The following GABRA3 variants were observed in gnomAD, a reference collection of about 807,000 sequenced individuals.
GABRA3 encodes the protein gamma-aminobutyric acid type A receptor subunit alpha3.
Under a neutral mutation model 30.1 loss-of-function variants are expected in GABRA3, and 10 were observed. That is an observed-to-expected ratio of 0.33 (90% CI 0.20 to 0.56). The LOEUF (loss-of-function observed/expected upper bound fraction) is 0.56. Ranked by LOEUF, GABRA3 falls within the 20% of genes least tolerant of loss-of-function variation. The pLI is 0.89. For missense variants in GABRA3, 233 were observed against 392.0 expected, an observed-to-expected ratio of 0.59 and a Z score of 3.42; for synonymous variants, 151 against 146.8, an observed-to-expected ratio of 1.03 and a Z score of -0.21.
At position 152,280,387 on chromosome X, in the gene GABRA3, G is replaced by A. The variant is rs954408370; in HGVS notation, c.330+4281C>T. 3.6e-5 allele frequency among the ~76,000 whole-genome samples: 4 copies of A among 111,588 alleles called. 1 individual carries two copies. The South Asian group carries it at 1.5e-3, about 42-fold the overall frequency. On this transcript the variant is annotated intron_variant, in intron 4 of 9. Coordinates refer to ENST00000370314, the MANE Select transcript of GABRA3 (RefSeq NM_000808.4). ...ATCCAGTCTGTGCCTCAGACTGCCA[G>A]TAAGGGAGAGTTTGAAGTAGACATA...
At chrX:152,200,398 G>T (rs1317453456) in intron 7 of GABRA3, among the ~76,000 whole-genome samples, 1 of 111,971 alleles carries the variant, frequency 8.9e-6, no homozygotes, top group Non-Finnish European at 1.9e-5. Flanking sequence ...ATCTTAGCTT[G>T]TTTATGTGAA....
chrX:152,236,201 G>A (rs1938208623), intron 5 of GABRA3, among the ~76,000 whole-genome samples: 1 of 94,055 alleles, frequency 1.1e-5, no homozygotes. Flanking sequence ...GTGTCCATGT[G>A]ATCTCATTGT....
intron 9 of GABRA3, among the ~76,000 whole-genome samples, chrX:152,178,804 A>G (rs913859877): frequency 9.0e-6 from 1 of 111,554 alleles, no homozygotes; most frequent in Admixed American, 9.6e-5. Flanking sequence ...CAATGCACCC[A>G]AACCCATTGT....
chrX:152,400,138 T>C (rs145193012), intron 1 of GABRA3, among the ~76,000 whole-genome samples: 3,222 of 111,478 alleles, frequency 0.029, 48 homozygotes, highest in South Asian at 0.05. Context: ...TTAATTTATG[T>C]TTTATTAATA....
At chrX:152,438,129 G>A (rs1440563902) in intron 1 of GABRA3, among the ~76,000 whole-genome samples, 1 of 111,678 alleles carries the variant, frequency 9.0e-6, no homozygotes, top group Non-Finnish European at 1.9e-5. Flanking sequence ...TAAGAAAACA[G>A]CCCCGTTAAA....
chrX:152,428,080 G>T (rs1428940436), intron 1 of GABRA3, among the ~76,000 whole-genome samples: 1 of 112,536 alleles, frequency 8.9e-6, no homozygotes, highest in African/African-American at 3.2e-5. Flanking sequence ...GCAAAGCAAT[G>T]ACGCCACTTA....
intron 2 of GABRA3, among the ~76,000 whole-genome samples, 197 bp from the exon 3 acceptor site, chrX:152,345,899 C>T (rs1379869133): frequency 9.0e-6 from 1 of 111,270 alleles, no homozygotes; most frequent in Non-Finnish European, 1.9e-5. Flanking sequence ...GGTTAATACT[C>T]GAACTCTTAC....
intron 2 of GABRA3, among the ~76,000 whole-genome samples, chrX:152,357,953 A>G (rs905529878): frequency 7.2e-5 from 8 of 111,432 alleles, no homozygotes; most frequent in African/African-American, 2.0e-4. Context: ...TGGTTACTAC[A>G]GCCCCATAGT....
At chrX:152,336,909 T>C (rs752469062) in intron 3 of GABRA3, among the ~76,000 whole-genome samples, 22 of 111,549 alleles carry the variant, frequency 2.0e-4, no homozygotes, top group Admixed American at 6.7e-4. Context: ...GTCAGAGTCA[T>C]AGATGTCTTC....
chrX:152,425,927 G>GT (rs899096178), intron 1 of GABRA3, among the ~76,000 whole-genome samples: 4 of 111,208 alleles, frequency 3.6e-5, no homozygotes, highest in African/African-American at 1.3e-4. Context: ...AGGTTAAATA[G>GT]TATCTTTTTA....
chrX:152,440,504 C>A (rs752746302), intron 1 of GABRA3, among the ~76,000 whole-genome samples: 1 of 112,021 alleles, frequency 8.9e-6, no homozygotes, highest in African/African-American at 3.2e-5. Flanking sequence ...TTTGACCCAG[C>A]GATCCCATTA....
intron 4 of GABRA3, among the ~76,000 whole-genome samples, chrX:152,276,865 T>C (rs1318558435): frequency 8.9e-6 from 1 of 112,101 alleles, no homozygotes; most frequent in Admixed American, 9.5e-5. Context: ...TTATAAAGTA[T>C]GCATATAAAT....
intron 3 of GABRA3, among the ~76,000 whole-genome samples, chrX:152,323,978 C>T (rs1244916824): frequency 8.9e-6 from 1 of 112,356 alleles, no homozygotes; most frequent in Non-Finnish European, 1.9e-5. Flanking sequence ...AAGAAAAACA[C>T]TATGTCTTAT....
intron 6 of GABRA3, among the ~76,000 whole-genome samples, chrX:152,216,569 A>G (rs756562313): frequency 6.4e-5 from 7 of 109,727 alleles, no homozygotes; most frequent in Non-Finnish European, 1.1e-4. Flanking sequence ...GCATTGTATC[A>G]TTCATATACA....
At chrX:152,188,980 A>C (rs1937290118) in intron 9 of GABRA3, among the ~76,000 whole-genome samples, 1 of 111,768 alleles carries the variant, frequency 8.9e-6, no homozygotes, top group African/African-American at 3.3e-5. Flanking sequence ...TAATGATTTT[A>C]ATCTCTCTTC....
intron 4 of GABRA3, among the ~76,000 whole-genome samples, chrX:152,274,765 T>A (rs1174378853): frequency 9.2e-6 from 1 of 108,708 alleles, no homozygotes; most frequent in Non-Finnish European, 1.9e-5. Flanking sequence ...GACCACAGAA[T>A]ACCCCAAGGA....
At chrX:152,366,480 T>C (rs1158908306) in intron 1 of GABRA3, among the ~76,000 whole-genome samples, 1 of 111,994 alleles carries the variant, frequency 8.9e-6, no homozygotes, top group Admixed American at 9.5e-5. Context: ...TCACTATGGG[T>C]TATGTTCAAA....
chrX:152,208,816 C>T (rs1048432710), intron 6 of GABRA3, among the ~76,000 whole-genome samples: 5 of 111,727 alleles, frequency 4.5e-5, no homozygotes, highest in African/African-American at 6.5e-5. Context: ...GAGGTCCTTA[C>T]AAAATGCAGA....
At chrX:152,268,743 C>A (rs1376101957) in intron 4 of GABRA3, among the ~76,000 whole-genome samples, 1 of 111,041 alleles carries the variant, frequency 9.0e-6, no homozygotes, top group East Asian at 2.8e-4. Context: ...AATTTTTGTA[C>A]TTTTTGTGTA....
Sources: allele counts gnomAD v4.1 joint callset (sites outside exome capture counted in the v4.1 genomes callset), GRCh38; gene constraint gnomAD v4.1.1; transcripts MANE v1.5; gene names NCBI Gene and HGNC (gene_info 2026-07-23, HGNC 2026-07-21).